Variants in CCNE1 observed in about 807,000 individuals in gnomAD.
The protein encoded by CCNE1 is G1/S-specific cyclin-E1.
Under a neutral mutation model 54.1 loss-of-function variants are expected in CCNE1, and 8 were observed. The ratio of observed to expected loss-of-function variants is 0.15; its 90% confidence interval spans 0.09 to 0.27. CCNE1 has a LOEUF of 0.27. CCNE1 is among the 10% of genes least tolerant of loss of function. The pLI, the probability that CCNE1 is intolerant of heterozygous loss-of-function variation, is 1.00. For missense variants in CCNE1, 430 were observed against 514.9 expected (o/e 0.84, Z 1.60); for synonymous variants, 179 against 185.2 (o/e 0.97, Z 0.27).
chr19:29,815,606 A>G (rs1327524254), intron 4 of CCNE1, among the ~76,000 whole-genome samples: 1 of 146,838 alleles, frequency 6.8e-6, no homozygotes, highest in Non-Finnish European at 1.5e-5. Flanking sequence ...TCTTTAGTCA[A>G]TGTTAATGGT....
chr19:29,821,104 G>A (rs780662445), intron 7 of CCNE1, among the ~76,000 whole-genome samples: 1 of 152,074 alleles, frequency 6.6e-6, no homozygotes, highest in Non-Finnish European at 1.5e-5. Flanking sequence ...TTTGAACTAA[G>A]ATAATAATTT....
At chr19:29,813,082 C>T in intron 4 of CCNE1, 45 bp downstream of exon 4, 12 of 1,542,312 alleles carry the variant, frequency 7.8e-6, no homozygotes, top group Non-Finnish European at 1.1e-5. Flanking sequence ...CCTTCTCCCC[C>T]TGGGTCACAT....
intron 4 of CCNE1, among the ~76,000 whole-genome samples, chr19:29,813,486 T>C (rs949055716): frequency 6.6e-5 from 10 of 152,212 alleles, no homozygotes; most frequent in Non-Finnish European, 1.3e-4. Flanking sequence ...TATCTACACC[T>C]ATTTTTCTTG....
chr19:29,823,631 T>A, intron 11 of CCNE1, 24 bp from the exon 12 acceptor site: 1 of 1,610,210 alleles, frequency 6.2e-7, no homozygotes, highest in Non-Finnish European at 8.5e-7. Context: ...TCTAATGTGT[T>A]GTCCCTTTTA....
chr19:29,818,315 C>T (rs1187603044), intron 6 of CCNE1, among the ~76,000 whole-genome samples: 3 of 151,964 alleles, frequency 2.0e-5, no homozygotes, highest in Non-Finnish European at 4.4e-5. Flanking sequence ...CGTGAGCCAC[C>T]GCACCCTGCC....
intron 7 of CCNE1, 93 bp downstream of exon 7, chr19:29,820,941 C>A: frequency 2.1e-6 from 2 of 966,160 alleles, no homozygotes; most frequent in Non-Finnish European, 3.2e-6. Context: ...GCCTATAGCA[C>A]TCATCCTAAA....
chr19:29,818,605 C>T (rs572355312), intron 6 of CCNE1, among the ~76,000 whole-genome samples: 1 of 152,282 alleles, frequency 6.6e-6, no homozygotes, highest in African/African-American at 2.4e-5. Flanking sequence ...TTCCCTTTTC[C>T]ACCATTCCCA....
At chr19:29,813,800 T>C (rs182724304) in intron 4 of CCNE1, among the ~76,000 whole-genome samples, 2 of 152,332 alleles carry the variant, frequency 1.3e-5, no homozygotes, top group East Asian at 3.9e-4. Context: ...ACTATCTCTT[T>C]ACTTTCAGAA....
At chr19:29,814,422 G>A (rs959102299) in intron 4 of CCNE1, among the ~76,000 whole-genome samples, 5 of 152,314 alleles carry the variant, frequency 3.3e-5, no homozygotes, top group Non-Finnish European at 5.9e-5. Context: ...TCCTGGGACG[G>A]ATTGTGGCTC....
At position 29,813,020 on chromosome 19, in the gene CCNE1, G is replaced by T; in HGVS notation, c.163G>T (p.Asp55Tyr). ...EMAKIDRTAR[D>Y]QCGSQPWDNN... is the part of the protein sequence containing the mutation. ...GGCCAAAATCGACAGGACGGCGAGG[G>T]ACCAGTGTGGGAGCCAGGTAGGTCC... Residue 55 changes from aspartate (D) to tyrosine (Y), a missense_variant, in exon 4 of 12, where the codon GAC becomes TAC. By Grantham distance (160) the Asp-to-Tyr change is radical. Transcript: ENST00000262643. The T allele has an allele frequency of 6.2e-7, 1 of 1,614,188 alleles. No homozygotes were observed. The highest frequency in any genetic ancestry group is 8.5e-7 in the Non-Finnish European group (1 of 1,180,030).
At chr19:29,820,354 C>T (rs1406372268) in intron 6 of CCNE1, among the ~76,000 whole-genome samples, 1 of 152,078 alleles carries the variant, frequency 6.6e-6, no homozygotes, top group Non-Finnish European at 1.5e-5. Flanking sequence ...AGTTCAAAAC[C>T]AGCCTGGCCA....
chr19:29,819,491 C>T (rs564263641), intron 6 of CCNE1, among the ~76,000 whole-genome samples: 14 of 151,914 alleles, frequency 9.2e-5, no homozygotes, highest in African/African-American at 2.7e-4. Context: ...TATGTTGCCC[C>T]GGCTGGTCTC....
At chr19:29,820,575 A>G (rs1974124779) in intron 6 of CCNE1, 127 bp from the exon 7 acceptor site, 3 of 677,830 alleles carry the variant, frequency 4.4e-6, no homozygotes, top group South Asian at 1.9e-5. Flanking sequence ...ACAAAAAACT[A>G]TCAATTGTTG....
At chr19:29,812,652 G>C in intron 2 of CCNE1, 37 bp from the exon 3 acceptor site, 5 of 1,562,998 alleles carry the variant, frequency 3.2e-6, no homozygotes, top group Non-Finnish European at 4.3e-6. Flanking sequence ...GGGCGGCCGC[G>C]GGTGCTCACC....
At chr19:29,819,454 T>G (rs2145724995) in intron 6 of CCNE1, among the ~76,000 whole-genome samples, 1 of 152,050 alleles carries the variant, frequency 6.6e-6, no homozygotes, top group South Asian at 2.1e-4. Flanking sequence ...TGCCGATTTT[T>G]TATTTTTTGT....
At chr19:29,816,078 C>T (rs1432221195) in intron 4 of CCNE1, among the ~76,000 whole-genome samples, 1 of 150,746 alleles carries the variant, frequency 6.6e-6, no homozygotes, top group African/African-American at 2.4e-5. Context: ...ATCGCTTGAC[C>T]CCAGGAGGCA....
Position 29,812,423 on chromosome 19 carries a change from C to T in CCNE1, c.-24-109C>T, listed in dbSNP as rs550101403. 1.7e-4 allele frequency: 119 copies of T among 707,842 alleles called. No homozygotes were observed. In the South Asian group the frequency reaches 4.8e-3, roughly 28 times the overall value. The allele number at this position is 707,842 out of a possible 1,614,324, so 43.8% of individuals were successfully genotyped here. A position where few individuals can be genotyped will look rare whatever the true frequency, so the allele number is the denominator to read the frequency against. ...CCGGGTCGCGGGTGACAGGCCACCCCGCCATCGGCCATCTTCCTGGCTCGC... is the reference window on the plus strand; with the variant it reads ...CCGGGTCGCGGGTGACAGGCCACCCTGCCATCGGCCATCTTCCTGGCTCGC... On this transcript the variant is annotated intron_variant, in intron 1 of 11. Transcript: ENST00000262643.
intron 6 of CCNE1, among the ~76,000 whole-genome samples, chr19:29,819,622 C>T (rs1442945915): frequency 6.6e-6 from 1 of 152,178 alleles, no homozygotes; most frequent in African/African-American, 2.4e-5. Context: ...TTCTCTTTAA[C>T]AGTTAATCAA....
chr19:29,819,707 C>T (rs1974106433), intron 6 of CCNE1, among the ~76,000 whole-genome samples: 1 of 152,236 alleles, frequency 6.6e-6, no homozygotes, highest in Non-Finnish European at 1.5e-5. Context: ...GTATATCTTA[C>T]TGGGATGAAC....
Sources: gnomAD v4.1 joint callset for allele counts (sites outside exome capture counted in the v4.1 genomes callset) on GRCh38, gnomAD v4.1.1 for gene constraint, MANE v1.5 for transcripts, NCBI Gene and HGNC (gene_info 2026-07-23, HGNC 2026-07-21) for gene names.